The following ICA1 variants were observed in gnomAD, a reference collection of about 807,000 sequenced individuals.
ICA1 encodes islet cell autoantigen 1.
In ICA1, 40 loss-of-function variants were observed where a neutral mutation model predicts 71.0. That is an observed-to-expected ratio of 0.56 (90% CI 0.44 to 0.73). The LOEUF is 0.73. Among genes scored for constraint, ICA1 ranks in the 30% least tolerant of loss-of-function variants. ICA1 has a pLI of 0.00. For missense variants in ICA1, 578 were observed against 576.5 expected (o/e 1.00, Z -0.03); for synonymous variants, 207 against 209.5 (o/e 0.99, Z 0.10).
rs184352271 is a variant in ICA1 at position 8,215,097 on chromosome 7, C to T, written c.579+3208G>A. On this transcript the variant is annotated intron_variant, in intron 6 of 13. Coordinates refer to ENST00000402384, the MANE Select transcript of ICA1 (RefSeq NM_001136020.3). ...TTAGGCCCTCGCAATCCCTTCTCCA[C>T]CTTACAAAGAACACAAACCTGATCA... 1.9e-4 allele frequency among the ~76,000 whole-genome samples: 29 copies of T among 152,234 alleles called. 1 individual carries two copies. The East Asian group carries it at 4.3e-3, about 22-fold the overall frequency.
At chr7:8,127,337 G>C (rs896257296) in intron 13 of ICA1, among the ~76,000 whole-genome samples, 48 of 152,050 alleles carry the variant, frequency 3.2e-4, no homozygotes, top group African/African-American at 1.2e-3. Context: ...TTTTTCTGTG[G>C]CTGAGGAGGT....
Position 8,209,336 on chromosome 7 carries a change from T to TA in ICA1, c.579+8968dup, listed in dbSNP as rs201893724. On this transcript the variant is annotated intron_variant, in intron 6 of 13. Transcript: ENST00000402384. Reference sequence around the variant, plus strand: ...TAGTATTACAAAACATGCTTAATTTTAAAAAAACTGTATGGATAGTTCCTC... The same window carrying TA: ...TAGTATTACAAAACATGCTTAATTTTAAAAAAAACTGTATGGATAGTTCCTC... Among the ~76,000 whole-genome samples, 1,161 of 152,286 alleles carry TA rather than the reference T, an allele frequency of 7.6e-3. 9 individuals carry two copies. The highest frequency in any genetic ancestry group is 0.026 in the African/African-American group (1,080 of 41,548).
intron 8 of ICA1, among the ~76,000 whole-genome samples, chr7:8,153,617 T>C (rs1488069724): frequency 6.6e-6 from 1 of 152,054 alleles, no homozygotes; most frequent in Non-Finnish European, 1.5e-5. Flanking sequence ...TAAGATAGGG[T>C]ACTGCTCTCC....
At chr7:8,178,832 C>T (rs1227651116) in intron 6 of ICA1, among the ~76,000 whole-genome samples, 3 of 152,140 alleles carry the variant, frequency 2.0e-5, no homozygotes, top group African/African-American at 7.2e-5. Context: ...TCAGTGATGG[C>T]TCCTTTTGTC....
chr7:8,176,831 A>G (rs759387919), intron 6 of ICA1, among the ~76,000 whole-genome samples: 8 of 152,306 alleles, frequency 5.3e-5, no homozygotes, highest in African/African-American at 1.7e-4. Flanking sequence ...TACCTACAAC[A>G]TAATTGTGGT....
intron 6 of ICA1, among the ~76,000 whole-genome samples, chr7:8,202,290 G>A (rs1367726439): frequency 6.6e-6 from 1 of 152,162 alleles, no homozygotes; most frequent in African/African-American, 2.4e-5. Flanking sequence ...GCCCTGACAT[G>A]TTCTGACTGT....
rs1356417259 is a variant in ICA1 at position 8,223,989 on chromosome 7, T to C, written c.257-2591A>G. Among the ~76,000 whole-genome samples the C allele has an allele frequency of 1.3e-5, 2 of 149,572 alleles. No homozygotes were observed. Among genetic ancestry groups the C allele is most frequent in the Non-Finnish European group, 2.9e-5 (2 of 68,028 alleles). ...ACAGATTTATGGATGATCCAACACATACGAGGCACAGTTCTTGCCACTGGA... is the reference window on the plus strand; with the variant it reads ...ACAGATTTATGGATGATCCAACACACACGAGGCACAGTTCTTGCCACTGGA... On this transcript the variant is annotated intron_variant, in intron 4 of 13. Transcript: ENST00000402384. The surrounding 1 kb of genome is among the most constrained non-coding windows in gnomAD (Gnocchi z 4.1).
upstream of ICA1, chr7:8,262,526 T>C (rs1429077871): frequency 6.6e-6 from 1 of 152,192 alleles, no homozygotes; most frequent in Non-Finnish European, 1.5e-5. Context: ...TCTCCTGGGG[T>C]ATCCCCCGCT....
At chr7:8,115,219 CAA>C (rs1784417223) in intron 13 of ICA1, among the ~76,000 whole-genome samples, 1 of 152,040 alleles carries the variant, frequency 6.6e-6, no homozygotes, top group Non-Finnish European at 1.5e-5. Flanking sequence ...AAAACTATAT[CAA>C]GACTAGTGGG....
intron 3 of ICA1, among the ~76,000 whole-genome samples, chr7:8,231,618 T>C (rs1310956290): frequency 2.0e-5 from 3 of 152,158 alleles, no homozygotes; most frequent in African/African-American, 4.8e-5. Context: ...TTACAGCAGA[T>C]AGTAGGTACA....
At chr7:8,261,589 G>T (rs1584029768) in intron 1 of ICA1, among the ~76,000 whole-genome samples, 2 of 152,114 alleles carry the variant, frequency 1.3e-5, no homozygotes, top group South Asian at 2.1e-4. Context: ...GCTCTCTGCC[G>T]CCCCTGCCAA....
At chr7:8,199,611 G>A (rs1788861883) in intron 6 of ICA1, among the ~76,000 whole-genome samples, 1 of 152,186 alleles carries the variant, frequency 6.6e-6, no homozygotes, top group South Asian at 2.1e-4. Flanking sequence ...CTACTCAGGA[G>A]GCTGAGGCAG....
chr7:8,115,294 G>A lies in ICA1; in HGVS notation c.1331-1250C>T, dbSNP rs117563386. On this transcript the variant is annotated intron_variant, in intron 13 of 13. Coordinates refer to ENST00000402384, the MANE Select transcript of ICA1 (RefSeq NM_001136020.3). ...TGTGCAATTAGCCCTGGAATCATCT[G>A]GTTTATCTTGATATGAGTATCAGAG... Among the ~76,000 whole-genome samples the A allele has an allele frequency of 1.8e-4, 27 of 152,222 alleles. 1 individual carries two copies. In the East Asian group the frequency reaches 4.8e-3, roughly 27 times the overall value.
intron 6 of ICA1, among the ~76,000 whole-genome samples, chr7:8,210,175 C>G (rs536002272): frequency 1.3e-5 from 2 of 152,284 alleles, no homozygotes; most frequent in South Asian, 4.1e-4. Context: ...GATCCTAGCT[C>G]AGATAAGAGC....
At chr7:8,215,635 A>G (rs1329847675) in intron 6 of ICA1, among the ~76,000 whole-genome samples, 1 of 152,260 alleles carries the variant, frequency 6.6e-6, no homozygotes, top group Non-Finnish European at 1.5e-5. Flanking sequence ...TGAATGGACA[A>G]ATAAATGAAT....
intron 6 of ICA1, among the ~76,000 whole-genome samples, chr7:8,162,826 C>A (rs1357171685): frequency 6.6e-6 from 1 of 152,156 alleles, no homozygotes; most frequent in South Asian, 2.1e-4. Flanking sequence ...TGCAGTGGTG[C>A]GATCTTGGCT....
At chr7:8,245,986 A>G (rs1025296822) in intron 1 of ICA1, among the ~76,000 whole-genome samples, 2 of 152,204 alleles carry the variant, frequency 1.3e-5, no homozygotes, top group Non-Finnish European at 2.9e-5. Flanking sequence ...AAAATTGAAT[A>G]AAGTCTATGA....
chr7:8,229,662 A>C (rs1428767613), intron 3 of ICA1, among the ~76,000 whole-genome samples: 1 of 152,274 alleles, frequency 6.6e-6, no homozygotes, highest in Non-Finnish European at 1.5e-5. Flanking sequence ...TTCATTATAA[A>C]TATGACTAAA....
intron 6 of ICA1, among the ~76,000 whole-genome samples, chr7:8,216,835 T>C (rs867102597): frequency 2.6e-5 from 4 of 152,348 alleles, no homozygotes; most frequent in African/African-American, 9.6e-5. Context: ...TGGGTATCAT[T>C]TTCCTCGCTT....
Sources: gnomAD v4.1 joint callset for allele counts (sites outside exome capture counted in the v4.1 genomes callset) on GRCh38, gnomAD v4.1.1 for gene constraint, Gnocchi (gnomAD v3.1) non-coding constraint, MANE v1.5 for transcripts, NCBI Gene and HGNC (gene_info 2026-07-23, HGNC 2026-07-21) for gene names.